ASIC2: variants seen among roughly 807,000 people sequenced by gnomAD.
ASIC2 encodes acid-sensing ion channel 2.
In ASIC2, 25 loss-of-function variants were observed where a neutral mutation model predicts 57.3. The observed-to-expected ratio is 0.44, with a 90% CI of 0.32 to 0.61. The LOEUF is 0.61. ASIC2 is among the 20% of genes least tolerant of loss of function. The pLI is 0.06. For synonymous variants in ASIC2, 319 were observed against 307.5 expected (o/e 1.04, Z -0.39); for missense variants, 641 against 738.1 (o/e 0.87, Z 1.52).
At chr17:33,434,194 A>T (rs958868839) in intron 1 of ASIC2, among the ~76,000 whole-genome samples, 1 of 152,040 alleles carries the variant, frequency 6.6e-6, no homozygotes, top group African/African-American at 2.4e-5. Flanking sequence ...AAATGAAAAT[A>T]CTGAACAGTG....
intron 1 of ASIC2, among the ~76,000 whole-genome samples, chr17:34,096,236 G>GT (rs1910542555): frequency 6.6e-6 from 1 of 152,286 alleles, no homozygotes; most frequent in African/African-American, 2.4e-5. Context: ...TTTCTAAGCC[G>GT]TAACTTGAAG....
chr17:33,457,656 A>C (rs1021894), intron 1 of ASIC2, among the ~76,000 whole-genome samples: 83,271 of 151,820 alleles, frequency 0.55, 23,012 homozygotes, highest in Middle Eastern at 0.65. Context: ...GATGATGATG[A>C]TGGCAATGGT....
chr17:33,770,196 C>A (rs546537616), intron 1 of ASIC2, among the ~76,000 whole-genome samples: 17 of 152,338 alleles, frequency 1.1e-4, no homozygotes, highest in Admixed American at 5.9e-4. Context: ...GCCCTGGTCC[C>A]TAGCTTAACT....
intron 1 of ASIC2, among the ~76,000 whole-genome samples, chr17:33,137,513 A>G (rs1394895479): frequency 6.6e-6 from 1 of 152,244 alleles, no homozygotes; most frequent in Admixed American, 6.5e-5. Context: ...AGTTCCTGCT[A>G]TGGATGACTG....
chr17:33,949,091 AT>A (rs11331382), intron 1 of ASIC2, among the ~76,000 whole-genome samples: 21,728 of 150,648 alleles, frequency 0.14, 1,977 homozygotes, highest in East Asian at 0.28. Context: ...TCTTCTTTTG[AT>A]TTTTTTTTTC....
chr17:33,938,327 A>G (rs1488048722), intron 1 of ASIC2, among the ~76,000 whole-genome samples: 1 of 151,832 alleles, frequency 6.6e-6, no homozygotes, highest in Non-Finnish European at 1.5e-5. Context: ...ACCACACCCA[A>G]TGTCCCTGAT....
At chr17:33,694,203 G>T (rs1739008068) in intron 1 of ASIC2, among the ~76,000 whole-genome samples, 1 of 152,172 alleles carries the variant, frequency 6.6e-6, no homozygotes, top group East Asian at 1.9e-4. Flanking sequence ...AGGCCATGGG[G>T]TTTAAAACGT....
chr17:33,127,666 G>T (rs941613733), intron 1 of ASIC2, among the ~76,000 whole-genome samples: 2 of 152,116 alleles, frequency 1.3e-5, no homozygotes, highest in Non-Finnish European at 2.9e-5. Context: ...TGAAAATGTC[G>T]CTCTAGTTAG....
chr17:34,099,207 AGAAAG>A (rs1910701168), intron 1 of ASIC2, among the ~76,000 whole-genome samples: 1 of 131,410 alleles, frequency 7.6e-6, no homozygotes, highest in African/African-American at 3.3e-5. Context: ...AAAGAAAGAA[AGAAAG>A]GAAAGAAAAG....
chr17:34,137,935 T>G (rs1912169047), intron 1 of ASIC2, among the ~76,000 whole-genome samples: 1 of 152,108 alleles, frequency 6.6e-6, no homozygotes, highest in South Asian at 2.1e-4. Flanking sequence ...GGGTTAAGAT[T>G]TTAAAATATG....
intron 1 of ASIC2, among the ~76,000 whole-genome samples, chr17:33,830,824 A>G (rs1237347691): frequency 1.3e-5 from 2 of 151,968 alleles, no homozygotes; most frequent in Non-Finnish European, 2.9e-5. Flanking sequence ...TTCAAAAGCA[A>G]GTCCTGCAGG....
chr17:33,112,309 C>G lies in ASIC2; in HGVS notation c.709-242G>C, dbSNP rs1341645958. The G allele has an allele frequency of 5.7e-6, 3 of 523,448 alleles. No individual in the cohort carries two copies. In the Admixed American group the frequency reaches 1.1e-4, roughly 19 times the overall value. 32.4% of individuals were successfully genotyped at this position (523,448 alleles called of 1,614,324 possible). ...GGGGTTTGTTGCAGTAGGATCTGGT[C>G]TCTTCTTCCTCTGAGCACTACCTCT... On this transcript the variant is annotated intron_variant, in intron 1 of 9. Coordinates refer to ENST00000225823, the MANE Select transcript of ASIC2 (RefSeq NM_183377.2).
chr17:33,405,256 G>T (rs1910427424), intron 1 of ASIC2, among the ~76,000 whole-genome samples: 1 of 152,116 alleles, frequency 6.6e-6, no homozygotes, highest in Non-Finnish European at 1.5e-5. Context: ...AAATAGAATT[G>T]CATGGTAGGG....
At chr17:33,664,569 T>C (rs375217296) in intron 1 of ASIC2, among the ~76,000 whole-genome samples, 5 of 152,158 alleles carry the variant, frequency 3.3e-5, no homozygotes, top group African/African-American at 1.2e-4. Flanking sequence ...CATATACACA[T>C]TGACACTAGT....
chr17:33,126,176 C>A (rs1490811847), intron 1 of ASIC2, among the ~76,000 whole-genome samples: 1 of 152,200 alleles, frequency 6.6e-6, no homozygotes, highest in African/African-American at 2.4e-5. Flanking sequence ...CTTGCAGAGG[C>A]ATCACGGACT....
intron 1 of ASIC2, among the ~76,000 whole-genome samples, chr17:33,887,746 C>G (rs1193844663): frequency 1.3e-5 from 2 of 152,172 alleles, no homozygotes; most frequent in Non-Finnish European, 2.9e-5. Context: ...GGCTCAGACC[C>G]TACCTTGTTT....
intron 2 of ASIC2, among the ~76,000 whole-genome samples, chr17:33,099,171 T>A (rs1345069318): frequency 1.3e-5 from 2 of 150,800 alleles, no homozygotes; most frequent in Non-Finnish European, 3.0e-5. Context: ...TTTTTTTTTG[T>A]TGTTGTTGTT....
intron 1 of ASIC2, among the ~76,000 whole-genome samples, chr17:34,150,207 A>G (rs1904464306): frequency 1.3e-5 from 2 of 152,156 alleles, no homozygotes; most frequent in Non-Finnish European, 1.5e-5. Flanking sequence ...AGAAACAGAG[A>G]GTAGAATGGT....
At chr17:33,839,768 G>T (rs1913377929) in intron 1 of ASIC2, among the ~76,000 whole-genome samples, 1 of 152,166 alleles carries the variant, frequency 6.6e-6, no homozygotes. Flanking sequence ...TCCTGTCATT[G>T]CTACCTGAGT....
Sources: allele counts gnomAD v4.1 joint callset (sites outside exome capture counted in the v4.1 genomes callset), GRCh38; gene constraint gnomAD v4.1.1; transcripts MANE v1.5; gene names NCBI Gene and HGNC (gene_info 2026-07-23, HGNC 2026-07-21).